TRMT11: variants seen among roughly 807,000 people sequenced by gnomAD.
TRMT11 encodes the protein tRNA (guanine(10)-N(2))-methyltransferase TRMT11.
Under a neutral mutation model 62.8 loss-of-function variants are expected in TRMT11, and 53 were observed. That is an observed-to-expected ratio of 0.84 (90% CI 0.68 to 1.06). The LOEUF (loss-of-function observed/expected upper bound fraction) is 1.06, where lower values mean the gene tolerates loss of function less well. Among genes scored for constraint, TRMT11 ranks in the 50% least tolerant of loss-of-function variants. The pLI is 0.00. For synonymous variants in TRMT11, 188 were observed against 190.3 expected (o/e 0.99, Z 0.10); for missense variants, 556 against 553.4 (o/e 1.00, Z -0.05).
downstream of TRMT11, among the ~76,000 whole-genome samples, chr6:126,041,042 G>C (rs550433119): frequency 4.6e-5 from 7 of 152,226 alleles, no homozygotes; most frequent in East Asian, 9.7e-4. Context: ...TACAAGGATT[G>C]AGCAATAAAA....
At chr6:126,222,056 A>G in the TRMT11 span, among the ~76,000 whole-genome samples, 3 of 152,192 alleles carry the variant, frequency 2.0e-5, no homozygotes, top group African/African-American at 7.2e-5. Context: ...AGCACCATTT[A>G]TTGAATAGGG....
chr6:126,090,546 T>G (rs1054060374), intron 17 of TRMT11, among the ~76,000 whole-genome samples: 3 of 152,214 alleles, frequency 2.0e-5, no homozygotes, highest in Non-Finnish European at 1.5e-5. Flanking sequence ...AGCAATTAGT[T>G]GATTTACAGT....
chr6:126,098,975 C>T (rs1365613194), intron 17 of TRMT11, among the ~76,000 whole-genome samples: 10 of 152,124 alleles, frequency 6.6e-5, no homozygotes, highest in South Asian at 2.1e-4. Flanking sequence ...GAACTGGCTA[C>T]GTGTCATTCA....
chr6:126,014,394 G>C (rs1794686208), intron 11 of TRMT11, among the ~76,000 whole-genome samples: 1 of 152,108 alleles, frequency 6.6e-6, no homozygotes, highest in Non-Finnish European at 1.5e-5. Flanking sequence ...GGGATTACAG[G>C]TGCACGCCAC....
intron 17 of TRMT11, among the ~76,000 whole-genome samples, chr6:126,075,506 T>C (rs900488873): frequency 6.6e-6 from 1 of 152,040 alleles, no homozygotes; most frequent in Non-Finnish European, 1.5e-5. Context: ...TTCCCCCTGC[T>C]CCAGCCACGT....
At chr6:126,158,913 C>A (rs910171920) in intron 21 of TRMT11, among the ~76,000 whole-genome samples, 1 of 152,120 alleles carries the variant, frequency 6.6e-6, no homozygotes, top group Non-Finnish European at 1.5e-5. Context: ...TGTCACTTCC[C>A]TCGTTGCCCA....
At chr6:126,177,024 C>T (rs1165633060), upstream of TRMT11, among the ~76,000 whole-genome samples, 3 of 148,420 alleles carry the variant, frequency 2.0e-5, no homozygotes, top group African/African-American at 7.5e-5. Flanking sequence ...AAAAAAAAAA[C>T]AAAGAAATTG....
At chr6:126,062,406 G>A (rs1583854133) in intron 17 of TRMT11, among the ~76,000 whole-genome samples, 1 of 152,134 alleles carries the variant, frequency 6.6e-6, no homozygotes, top group East Asian at 1.9e-4. Context: ...TTGCCTTGAG[G>A]TACTTTATTG....
upstream of TRMT11, among the ~76,000 whole-genome samples, chr6:126,172,741 G>A (rs1251030106): frequency 6.6e-6 from 1 of 152,172 alleles, no homozygotes; most frequent in African/African-American, 2.4e-5. Flanking sequence ...GTTCTAGGCA[G>A]TAAGCTTAGA....
At chr6:126,198,369 T>G (rs1179980465) in intron 1 of TRMT11, among the ~76,000 whole-genome samples, 3 of 152,104 alleles carry the variant, frequency 2.0e-5, no homozygotes, top group Non-Finnish European at 4.4e-5. Context: ...TATATAAGAG[T>G]GTTTTCCTTT....
chr6:126,261,122 A>G, the TRMT11 span, among the ~76,000 whole-genome samples: 1 of 152,100 alleles, frequency 6.6e-6, no homozygotes, highest in Non-Finnish European at 1.5e-5. Flanking sequence ...ATTCTCTTCT[A>G]TTCTTATTTT....
At chr6:125,998,453 A>G in intron 5 of TRMT11, 97 bp from the exon 6 acceptor site, 1 of 1,375,236 alleles carries the variant, frequency 7.3e-7, no homozygotes, top group South Asian at 1.4e-5. Flanking sequence ...GTTTTATTTA[A>G]TGTTGACTCC....
the TRMT11 span, among the ~76,000 whole-genome samples, chr6:126,235,352 G>T: frequency 6.6e-6 from 1 of 151,966 alleles, no homozygotes; most frequent in African/African-American, 2.4e-5. Context: ...ACCATTACTG[G>T]GTATATACTC....
At chr6:126,259,421 T>C in the TRMT11 span, among the ~76,000 whole-genome samples, 10 of 152,350 alleles carry the variant, frequency 6.6e-5, no homozygotes, top group African/African-American at 2.4e-4. Context: ...GGTCTTGAAC[T>C]CCTGACCTTA....
At chr6:126,031,506 A>T (rs1487243856) in intron 12 of TRMT11, among the ~76,000 whole-genome samples, 1 of 152,182 alleles carries the variant, frequency 6.6e-6, no homozygotes. Context: ...TTGTGTGAAC[A>T]TAGGAAAGCA....
chr6:126,017,335 A>C (rs529973840), intron 11 of TRMT11, among the ~76,000 whole-genome samples: 20 of 152,342 alleles, frequency 1.3e-4, no homozygotes, highest in African/African-American at 4.8e-4. Flanking sequence ...GAAAAGTATA[A>C]GACATAAAAG....
chr6:126,101,033 T>C (rs577662627), intron 17 of TRMT11, among the ~76,000 whole-genome samples: 47 of 152,192 alleles, frequency 3.1e-4, no homozygotes, highest in Admixed American at 1.4e-3. Context: ...GAGGTAGAGG[T>C]TACTCACATT....
chr6:126,121,442 G>A (rs1397809361), intron 21 of TRMT11, among the ~76,000 whole-genome samples: 4 of 152,086 alleles, frequency 2.6e-5, no homozygotes, highest in African/African-American at 9.7e-5. Context: ...TTACCAGGGT[G>A]CTCTACCATG....
chr6:126,082,378 C>T (rs1482182649), intron 17 of TRMT11, among the ~76,000 whole-genome samples: 1 of 151,650 alleles, frequency 6.6e-6, no homozygotes. Flanking sequence ...TTATATATTA[C>T]AATGTAATAT....
Sources: allele counts gnomAD v4.1 joint callset (sites outside exome capture counted in the v4.1 genomes callset), GRCh38; gene constraint gnomAD v4.1.1; transcripts MANE v1.5; gene names NCBI Gene and HGNC (gene_info 2026-07-23, HGNC 2026-07-21).